The following PTOV1 variants were observed in gnomAD, a reference collection of about 807,000 sequenced individuals.
The protein encoded by PTOV1 is prostate tumor-overexpressed gene 1 protein.
A neutral mutation model predicts 58.0 loss-of-function variants in PTOV1; 20 were observed. The ratio of observed to expected loss-of-function variants is 0.34; its 90% CI spans 0.24 to 0.50. The LOEUF (loss-of-function observed/expected upper bound fraction) is 0.50. Among genes scored for constraint, PTOV1 ranks in the 20% least tolerant of loss-of-function variants. PTOV1 has a pLI of 0.98. For missense variants in PTOV1, 593 were observed against 565.4 expected (o/e 1.05, Z -0.50); for synonymous variants, 335 against 234.2 (o/e 1.43, Z -3.93).
exon 1 of PTOV1, chr19:49,851,231 C>G (rs1254664915): frequency 3.5e-6 from 4 of 1,141,984 alleles, no homozygotes; most frequent in African/African-American, 1.6e-5. Flanking sequence ...CCGTCTCCCC[C>G]GAAGCCGCGC....
chr19:49,860,510 G>A (rs1172256434), exon 12 of PTOV1: 7 of 661,152 alleles, frequency 1.1e-5, no homozygotes, highest in Non-Finnish European at 1.8e-5. Context: ...GGCCATGGGA[G>A]GTGGTATCCA....
exon 12 of PTOV1, chr19:49,860,413 G>A (rs970164252): frequency 3.7e-6 from 5 of 1,346,834 alleles, no homozygotes; most frequent in South Asian, 1.4e-5. Flanking sequence ...GAAGCAGGGC[G>A]ACCTTGGCCT....
chr19:49,855,021 A>G, exon 5 of PTOV1: 1 of 1,601,166 alleles, frequency 6.2e-7, no homozygotes, highest in South Asian at 1.1e-5. Context: ...GTTCCACTTC[A>G]CCAACAGAGA....
At position 49,851,350 on chromosome 19, in the gene PTOV1, C is replaced by T. The variant is rs868811720; in HGVS notation, c.22C>T (p.Pro8Ser). Residue 8 changes from proline to serine, a missense_variant, in exon 1 of 12, where the codon CCG (proline) becomes TCG (serine). Transcript: ENST00000391842. ...CGCCATGGTCCGTCCGCGCCGTGCCCCGTACCGCTCCGGCGCCGGGGGCCC... is the reference window on the plus strand; with the variant it reads ...CGCCATGGTCCGTCCGCGCCGTGCCTCGTACCGCTCCGGCGCCGGGGGCCC... 563 of 1,098,286 alleles carry T rather than the reference C, an allele frequency of 5.1e-4. 4 individuals are homozygous for T. The African/African-American group carries it at 8.9e-3, about 17-fold the overall frequency. The allele number at this position is 1,098,286 out of a possible 1,614,324, so 68.0% of individuals were successfully genotyped here. A position where few individuals can be genotyped will look rare whatever the true frequency, so the allele number is the denominator to read the frequency against.
intron 1 of PTOV1, chr19:49,852,056 T>G (rs1600354719): frequency 1.0e-6 from 1 of 985,312 alleles, no homozygotes; most frequent in East Asian, 1.1e-4. Flanking sequence ...ACGTAAACAT[T>G]CAGCTTCGCA....
At chr19:49,860,511 G>A in exon 12 of PTOV1, 1 of 655,356 alleles carries the variant, frequency 1.5e-6, no homozygotes. Flanking sequence ...GCCATGGGAG[G>A]TGGTATCCAG....
In PTOV1 at chr19:49,855,043, T is replaced by C. The variant is rs371396128; in HGVS notation, c.524T>C (p.Leu175Pro). 6 of 1,598,660 alleles carry C rather than the reference T, an allele frequency of 3.8e-6. No homozygotes were observed. The highest frequency in any genetic ancestry group is 5.1e-6 in the Non-Finnish European group (6 of 1,172,420). ...TTCACCAACAGAGACTGCGACTCGC[T>C]CAAGGGGCTCTGCCGCATCATGGGC... The change falls in exon 5 of 12, where the codon CTC (leucine) becomes CCC (proline). Residue 175 changes from leucine to proline, a missense_variant. By Grantham distance (98) the Leu-to-Pro change is moderately conservative. Transcript: ENST00000391842.
intron 7 of PTOV1, 44 bp from the exon 8 acceptor site, chr19:49,857,860 G>A: frequency 6.2e-7 from 1 of 1,612,224 alleles, no homozygotes; most frequent in Non-Finnish European, 8.5e-7. Context: ...CTGGCATTGG[G>A]GGTCTCCAGC....
At chr19:49,858,798 C>T (rs561399080) in intron 10 of PTOV1, 145 bp downstream of exon 10, 17 of 688,274 alleles carry the variant, frequency 2.5e-5, no homozygotes, top group East Asian at 8.3e-5. Context: ...GGCGTGACTT[C>T]TGGGGGCTCT....
chr19:49,851,444 C>T lies in PTOV1; in HGVS notation c.116C>T (p.Ala39Val), dbSNP rs542896699. The T allele has an allele frequency of 1.2e-5, 15 of 1,220,022 alleles. No homozygotes were observed. Among genetic ancestry groups the T allele is most frequent in the South Asian group, 8.2e-5 (2 of 24,438 alleles). 75.6% of individuals were successfully genotyped at this position (1,220,022 alleles called of 1,614,324 possible). ...GCCGTCCGCTCGCGCTCCTGGCCTGCCAGCCCCCGAGGCCCGCAGCCTCCG... is the reference window on the plus strand; with the variant it reads ...GCCGTCCGCTCGCGCTCCTGGCCTGTCAGCCCCCGAGGCCCGCAGCCTCCG... The change falls in exon 1 of 12, where the codon GCC (alanine) becomes GTC (valine). Residue 39 changes from alanine to valine, a missense_variant. By Grantham distance (64) the Ala-to-Val change is moderately conservative. Transcript: ENST00000391842.
At position 49,860,381 on chromosome 19, in the gene PTOV1, T is replaced by TG. The variant is rs577978306; in HGVS notation, c.*110dup. Reference sequence around the variant, plus strand: ...TGTACAGGAGGGACCCTGGGGCATGTGGGGGGGGTGGGGTTGGGAAAGAAG... The same window carrying TG: ...TGTACAGGAGGGACCCTGGGGCATGTGGGGGGGGGTGGGGTTGGGAAAGAAG... On this transcript the variant is annotated 3_prime_UTR_variant, in exon 12 of 12. Transcript: ENST00000391842. 6.6e-3 allele frequency: 2,128 copies of TG among 320,998 alleles called. 25 individuals carry two copies. The highest frequency in any genetic ancestry group is 0.048 in the African/African-American group (1,647 of 34,604). The allele number at this position is 320,998 out of a possible 1,614,324, so 19.9% of individuals were successfully genotyped here. A position where few individuals can be genotyped will look rare whatever the true frequency, so the allele number is the denominator to read the frequency against.
intron 5 of PTOV1, chr19:49,856,750 G>T: frequency 1.8e-6 from 1 of 542,444 alleles, no homozygotes; most frequent in Non-Finnish European, 3.3e-6. Context: ...ACCGCAGCCT[G>T]GGTGCCGGGT....
chr19:49,851,214 G>A, exon 1 of PTOV1: 1 of 1,170,880 alleles, frequency 8.5e-7, no homozygotes. Flanking sequence ...GCTTGGTACG[G>A]CTCAGCCCGT....
At chr19:49,856,195 G>A (rs561486505) in intron 5 of PTOV1, 5 of 152,340 alleles carry the variant, frequency 3.3e-5, no homozygotes, top group African/African-American at 1.2e-4. Context: ...CCATATCTGG[G>A]CCCCGAGTAC....
rs562829183 is a variant in PTOV1, at chr19:49,856,809, T to A, written c.559-166T>A. ...AGGGTCGGGGGATGCCGATGGGCGC[T>A]GCACGGGCTCTCAGAGGCCCCTCAC... is the stretch of plus-strand genomic sequence containing the variant. On this transcript the variant is annotated intron_variant, in intron 5 of 11. Transcript: ENST00000391842. 4 of 789,896 alleles carry A rather than the reference T, an allele frequency of 5.1e-6. No homozygotes were observed. The South Asian group carries it at 7.2e-5, about 14-fold the overall frequency. 48.9% of individuals were successfully genotyped at this position (789,896 alleles called of 1,614,324 possible).
At chr19:49,851,418 C>G in exon 1 of PTOV1, 1 of 1,207,008 alleles carries the variant, frequency 8.3e-7, no homozygotes, top group Non-Finnish European at 1.0e-6. Context: ...TCGTGGTGCG[C>G]GCCGTCCGCT....
At chr19:49,851,236 CCGCGCG>C (rs1318873257) in exon 1 of PTOV1, 1 of 1,133,624 alleles carries the variant, frequency 8.8e-7, no homozygotes, top group South Asian at 4.3e-5. Flanking sequence ...TCCCCCGAAG[CCGCGCG>C]CCCGCGCCCG....
In PTOV1 at chr19:49,854,894, A is replaced by AGCCCCCC; in HGVS notation, c.450+6_450+7insGCCCCCC. ...TGATCCCTCAGCAGCTGCTGGTGAG[A>AGCCCCCC]CCCGCCCCTCCCACCCCATCCACTC... On this transcript the variant is annotated splice_region_variant and intron_variant, in intron 4 of 11. Transcript: ENST00000391842. 1.3e-6 allele frequency: 2 copies of AGCCCCCC among 1,559,966 alleles called. No homozygotes were observed. The highest frequency in any genetic ancestry group is 1.8e-6 in the Non-Finnish European group (2 of 1,138,060).
At chr19:49,858,397 T>C in intron 9 of PTOV1, 152 bp from the exon 10 acceptor site, 1 of 709,278 alleles carries the variant, frequency 1.4e-6, no homozygotes, top group South Asian at 1.8e-5. Flanking sequence ...ACTCCAGGGT[T>C]GGGCTGGTTG....
Sources: allele counts gnomAD v4.1 joint callset, GRCh38; gene constraint gnomAD v4.1.1; transcripts MANE v1.5; gene names NCBI Gene and HGNC (gene_info 2026-07-23, HGNC 2026-07-21).